The following CPNE5 variants were observed in gnomAD, a reference collection of about 807,000 sequenced individuals.
CPNE5 encodes copine-5.
Under a neutral mutation model 81.1 loss-of-function variants are expected in CPNE5, and 42 were observed. That is an observed-to-expected ratio of 0.52 (90% CI 0.40 to 0.67). The LOEUF (loss-of-function observed/expected upper bound fraction) is 0.67, where lower values mean the gene tolerates loss of function less well. Ranked by LOEUF, CPNE5 falls within the 30% of genes least tolerant of loss-of-function variation. The pLI, the probability that CPNE5 is intolerant of heterozygous loss-of-function variation, is 0.00. For synonymous variants in CPNE5, 313 were observed against 321.5 expected (o/e 0.97, Z 0.28); for missense variants, 612 against 815.5 (o/e 0.75, Z 3.04).
In CPNE5 at chr6:36,745,528, G is replaced by A; in HGVS notation, c.1201-13C>T. ...CCTGGTTGCCATTCTGGGGGACAGA[G>A]GGCAGGGAGGCTGAGCCCAGGAAGG... On this transcript the variant is annotated splice_polypyrimidine_tract_variant and intron_variant, in intron 16 of 20. Coordinates refer to ENST00000244751, the MANE Select transcript of CPNE5 (RefSeq NM_020939.2). 6.3e-7 allele frequency: 1 copy of A among 1,596,352 alleles called. No individual in the cohort carries two copies. The highest frequency in any genetic ancestry group is 8.5e-7 in the Non-Finnish European group (1 of 1,171,264).
chr6:36,825,148 C>T (rs1334596746), intron 1 of CPNE5, among the ~76,000 whole-genome samples: 1 of 152,140 alleles, frequency 6.6e-6, no homozygotes, highest in African/African-American at 2.4e-5. Flanking sequence ...TCGGCAGTGA[C>T]AGCCTGTCGG....
chr6:36,745,074 C>T lies in CPNE5; in HGVS notation c.1405G>A (p.Ala469Thr). ...TTGACAATGGCCTCCTTGGTCTGCG[C>T]CATGTCCGAGATGACCCCATCAGTA... is the stretch of plus-strand genomic sequence containing the variant. ...IITDGVISDM[A>T]QTKEAIVNAA... The change falls in exon 18 of 21, where the codon GCG (alanine) becomes ACG (threonine). Residue 469 changes from alanine (A) to threonine (T), a missense_variant. Physicochemically the swap from Ala to Thr is moderately conservative, Grantham distance 58. Transcript: ENST00000244751. The T allele has an allele frequency of 6.2e-7, 1 of 1,614,076 alleles. No homozygotes were observed.
chr6:36,792,145 C>T (rs749607593), intron 7 of CPNE5, 49 bp from the exon 8 acceptor site: 2 of 1,567,220 alleles, frequency 1.3e-6, no homozygotes, highest in Non-Finnish European at 1.8e-6. Context: ...AAGACAGAGC[C>T]ATAAACCTGA....
At chr6:36,748,294 T>A (rs1764411547) in intron 14 of CPNE5, 27 bp from the exon 15 acceptor site, 1 of 1,611,530 alleles carries the variant, frequency 6.2e-7, no homozygotes, top group African/African-American at 1.3e-5. Context: ...AGCAGGGGAG[T>A]CACCTGGAGG....
intron 3 of CPNE5, among the ~76,000 whole-genome samples, chr6:36,800,898 A>G (rs1770045848): frequency 6.6e-6 from 1 of 152,148 alleles, no homozygotes; most frequent in Non-Finnish European, 1.5e-5. Context: ...GCCCATCCGT[A>G]AGAATTGGAA....
chr6:36,758,817 C>G (rs886781600), intron 12 of CPNE5, among the ~76,000 whole-genome samples: 15 of 152,132 alleles, frequency 9.9e-5, no homozygotes, highest in African/African-American at 3.6e-4. Flanking sequence ...GCAAGCTGTG[C>G]AGGTAGAAAC....
At chr6:36,747,260 C>T (rs561733761) in intron 15 of CPNE5, among the ~76,000 whole-genome samples, 1 of 152,060 alleles carries the variant, frequency 6.6e-6, no homozygotes, top group Non-Finnish European at 1.5e-5. Flanking sequence ...TTTCCCCCCC[C>T]AGAGCCCTCT....
chr6:36,789,333 G>C (rs1026986418), intron 8 of CPNE5, among the ~76,000 whole-genome samples: 1 of 152,186 alleles, frequency 6.6e-6, no homozygotes, highest in African/African-American at 2.4e-5. Context: ...ACACCTGATA[G>C]GTATTCAACC....
At chr6:36,778,118 C>G (rs890712055) in intron 9 of CPNE5, among the ~76,000 whole-genome samples, 2 of 152,180 alleles carry the variant, frequency 1.3e-5, no homozygotes, top group African/African-American at 2.4e-5. Context: ...GTTCATTTTA[C>G]AGATGAGAAA....
At chr6:36,792,616 C>G (rs1004899895) in intron 7 of CPNE5, among the ~76,000 whole-genome samples, 1 of 152,168 alleles carries the variant, frequency 6.6e-6, no homozygotes, top group African/African-American at 2.4e-5. Flanking sequence ...CCCATGGCTA[C>G]CTCCCCTTAA....
chr6:36,780,992 G>GC (rs1214759521), intron 8 of CPNE5, among the ~76,000 whole-genome samples: 9 of 152,050 alleles, frequency 5.9e-5, no homozygotes, highest in African/African-American at 2.2e-4. Flanking sequence ...GTACCACTCT[G>GC]CCCCCCTGAG....
At chr6:36,794,354 G>T (rs1769372372) in intron 7 of CPNE5, among the ~76,000 whole-genome samples, 1 of 152,158 alleles carries the variant, frequency 6.6e-6, no homozygotes, top group Admixed American at 6.5e-5. Flanking sequence ...AGCCACTGGG[G>T]CTTGAGATGC....
chr6:36,802,893 A>T (rs923654056), intron 3 of CPNE5, among the ~76,000 whole-genome samples: 2 of 152,136 alleles, frequency 1.3e-5, no homozygotes, highest in African/African-American at 2.4e-5. Flanking sequence ...CTATTTAAAA[A>T]AAAATAAAAT....
intron 3 of CPNE5, among the ~76,000 whole-genome samples, chr6:36,821,287 C>T (rs1349054980): frequency 1.3e-5 from 2 of 150,034 alleles, no homozygotes; most frequent in Admixed American, 6.6e-5. Flanking sequence ...GAGATTAGGT[C>T]AGCAGGGAAA....
chr6:36,838,441 C>T (rs1202641939), intron 1 of CPNE5, among the ~76,000 whole-genome samples: 4 of 152,226 alleles, frequency 2.6e-5, no homozygotes, highest in Non-Finnish European at 5.9e-5. Context: ...CACCCATACC[C>T]TCTTACTGCC....
rs543800462 is a variant in CPNE5, at chr6:36,745,737, T to C, written c.1201-222A>G. ...AACCTGCTCCTTACCCGGCTCCCTG[T>C]ACCTGTTCAGAGATGCCCCAAGATC... On this transcript the variant is annotated intron_variant, in intron 16 of 20. Coordinates refer to ENST00000244751, the MANE Select transcript of CPNE5 (RefSeq NM_020939.2). Among the ~76,000 whole-genome samples, 512 of 152,270 alleles carry C rather than the reference T, an allele frequency of 3.4e-3. 1 individual carries two copies. Among genetic ancestry groups the C allele is most frequent in the Non-Finnish European group, 6.1e-3 (417 of 67,998 alleles).
intron 11 of CPNE5, 126 bp from the exon 12 acceptor site, chr6:36,763,118 G>A (rs897388302): frequency 3.6e-5 from 29 of 799,242 alleles, no homozygotes; most frequent in East Asian, 2.5e-4. Flanking sequence ...AGGGGCACAC[G>A]CCAGCAGACA....
intron 3 of CPNE5, among the ~76,000 whole-genome samples, chr6:36,811,285 G>T (rs1425851506): frequency 2.6e-5 from 4 of 152,164 alleles, no homozygotes; most frequent in Non-Finnish European, 5.9e-5. Flanking sequence ...CCAAAACATC[G>T]ATAGCTCCTG....
At position 36,753,026 on chromosome 6, in the gene CPNE5, C is replaced by T. The variant is rs1765020332; in HGVS notation, c.971+8G>A. On this transcript the variant is annotated splice_region_variant and intron_variant, in intron 14 of 20. Transcript: ENST00000244751. Reference sequence around the variant, plus strand: ...AAGGCCCATGAAATTGGCTGTATCTCTTCTCACCCTCCTTTGATGTAGTCA... The same window carrying T: ...AAGGCCCATGAAATTGGCTGTATCTTTTCTCACCCTCCTTTGATGTAGTCA... 6.2e-7 allele frequency: 1 copy of T among 1,608,954 alleles called. No homozygotes were observed. The highest frequency in any genetic ancestry group is 8.5e-7 in the Non-Finnish European group (1 of 1,175,766).
Sources: gnomAD v4.1 joint callset for allele counts (sites outside exome capture counted in the v4.1 genomes callset) on GRCh38, gnomAD v4.1.1 for gene constraint, MANE v1.5 for transcripts, NCBI Gene and HGNC (gene_info 2026-07-23, HGNC 2026-07-21) for gene names.